Variants in SLC71A2 observed in about 807,000 individuals in gnomAD.
The protein encoded by SLC71A2 is solute carrier family 71 member 2.
the SLC71A2 span, among the ~76,000 whole-genome samples, chr9:94,424,870 G>A: frequency 6.1e-5 from 9 of 146,854 alleles, no homozygotes; most frequent in Admixed American, 5.4e-4. Context: ...CTCCTGAGTA[G>A]CTGGGACTAC....
the SLC71A2 span, among the ~76,000 whole-genome samples, chr9:94,404,145 A>G: frequency 7.2e-5 from 11 of 152,270 alleles, no homozygotes; most frequent in African/African-American, 2.6e-4. Flanking sequence ...AATGTCTGTT[A>G]TTTATAAACT....
the SLC71A2 span, among the ~76,000 whole-genome samples, chr9:94,425,942 G>A: frequency 6.6e-6 from 1 of 152,056 alleles, no homozygotes; most frequent in Non-Finnish European, 1.5e-5. Flanking sequence ...TGCAAAGGCT[G>A]TTTCAAGTTT....
chr9:94,450,493 C>CTTTTTTTTTTTTTTTTTTTTTTTTTT, the SLC71A2 span, among the ~76,000 whole-genome samples: 13 of 102,020 alleles, frequency 1.3e-4, 1 homozygote, highest in African/African-American at 2.6e-4. Context: ...AATAATGTAA[C>CTTTTTTTTTTTTTTTTTTTTTTTTTT]TTTTTTTTTT....
At chr9:94,431,181 C>T in the SLC71A2 span, among the ~76,000 whole-genome samples, 7 of 151,956 alleles carry the variant, frequency 4.6e-5, no homozygotes, top group South Asian at 2.1e-4. Context: ...GTCGTGGTGG[C>T]GGGCCCCTGT....
At chr9:94,391,413 G>A in the SLC71A2 span, among the ~76,000 whole-genome samples, 341 of 151,416 alleles carry the variant, frequency 2.3e-3, 2 homozygotes, top group African/African-American at 7.9e-3. Context: ...GAGATGTTGA[G>A]GAACTAGTAG....
chr9:94,442,624 G>GGGC, the SLC71A2 span, among the ~76,000 whole-genome samples: 1 of 152,140 alleles, frequency 6.6e-6, no homozygotes, highest in African/African-American at 2.4e-5. Flanking sequence ...GCTGAGGTGG[G>GGGC]GGCGGATCAT....
chr9:94,453,944 C>A, the SLC71A2 span: 2 of 1,551,454 alleles, frequency 1.3e-6, no homozygotes, highest in African/African-American at 2.7e-5. Flanking sequence ...AGAGTTGTCT[C>A]CTTTACTTTG....
the SLC71A2 span, chr9:94,459,169 C>T: frequency 6.2e-7 from 1 of 1,613,268 alleles, no homozygotes; most frequent in Non-Finnish European, 8.5e-7. Flanking sequence ...AGGGAGCTGT[C>T]ATCCCAGGCC....
At chr9:94,437,131 T>C in the SLC71A2 span, among the ~76,000 whole-genome samples, 3 of 142,922 alleles carry the variant, frequency 2.1e-5, no homozygotes, top group Admixed American at 1.4e-4. Flanking sequence ...CGCAGGAACA[T>C]TGTATGTCCA....
chr9:94,381,472 T>C, the SLC71A2 span, among the ~76,000 whole-genome samples: 1 of 152,212 alleles, frequency 6.6e-6, no homozygotes, highest in African/African-American at 2.4e-5. Flanking sequence ...TCATTCTTTT[T>C]AATTACTGAG....
At chr9:94,453,148 CTTT>C in the SLC71A2 span, among the ~76,000 whole-genome samples, 1,112 of 124,708 alleles carry the variant, frequency 8.9e-3, 2 homozygotes, top group Middle Eastern at 0.012. Context: ...ACTCAGCCAT[CTTT>C]TTTTTTTTTT....
At chr9:94,402,989 C>G in the SLC71A2 span, among the ~76,000 whole-genome samples, 28 of 152,126 alleles carry the variant, frequency 1.8e-4, no homozygotes, top group Non-Finnish European at 1.5e-5. Flanking sequence ...ATTTTTTCAT[C>G]ATCCCAAACT....
At chr9:94,416,562 A>G in the SLC71A2 span, among the ~76,000 whole-genome samples, 1 of 152,214 alleles carries the variant, frequency 6.6e-6, no homozygotes, top group African/African-American at 2.4e-5. Flanking sequence ...CACAGTTAAA[A>G]TACAGTTTGA....
At chr9:94,420,595 CTT>C in the SLC71A2 span, among the ~76,000 whole-genome samples, 16 of 143,154 alleles carry the variant, frequency 1.1e-4, no homozygotes, top group Middle Eastern at 3.6e-3. Context: ...GTTTATAATA[CTT>C]TTTTTTTTTT....
chr9:94,433,298 A>C, the SLC71A2 span: 1 of 157,552 alleles, frequency 6.3e-6, no homozygotes, highest in African/African-American at 2.4e-5. Flanking sequence ...ACTGACTACA[A>C]ATAACAAATA....
the SLC71A2 span, among the ~76,000 whole-genome samples, chr9:94,395,856 A>G: frequency 6.6e-6 from 1 of 152,150 alleles, no homozygotes; most frequent in African/African-American, 2.4e-5. Context: ...GCATGCAGTT[A>G]ATGAAACATG....
At chr9:94,449,669 C>G in the SLC71A2 span, among the ~76,000 whole-genome samples, 1 of 152,074 alleles carries the variant, frequency 6.6e-6, no homozygotes. Flanking sequence ...CCTGGCAGTT[C>G]CCCAAAATAT....
At chr9:94,451,197 G>A in the SLC71A2 span, among the ~76,000 whole-genome samples, 2 of 152,118 alleles carry the variant, frequency 1.3e-5, no homozygotes, top group African/African-American at 2.4e-5. Flanking sequence ...GGGATGGAGA[G>A]GGTATATAAA....
the SLC71A2 span, among the ~76,000 whole-genome samples, chr9:94,444,122 AG>A: frequency 1.7e-4 from 26 of 152,246 alleles, no homozygotes; most frequent in African/African-American, 5.5e-4. Context: ...AAGTTTAAAA[AG>A]CTAACTTATA....
Sources: gnomAD v4.1 joint callset for allele counts (sites outside exome capture counted in the v4.1 genomes callset) on GRCh38, gnomAD v4.1.1 for gene constraint, MANE v1.5 for transcripts, NCBI Gene and HGNC (gene_info 2026-07-23, HGNC 2026-07-21) for gene names.